Variants in PCDH11X observed in about 807,000 individuals in gnomAD.
The protein encoded by PCDH11X is protocadherin 11 X-linked, also known as protocadherin-11 X-linked.
Under a neutral mutation model 53.3 loss-of-function variants are expected in PCDH11X, and 18 were observed. That is an observed-to-expected ratio of 0.34 (90% CI 0.23 to 0.50). The LOEUF (loss-of-function observed/expected upper bound fraction) is 0.50. PCDH11X is among the 20% of genes least tolerant of loss of function. The probability of loss-of-function intolerance (pLI) is 0.98; values close to 1 mark genes in which losing one functional copy is unlikely to be tolerated. For missense variants in PCDH11X, 570 were observed against 1,032.4 expected (o/e 0.55, Z 6.14); for synonymous variants, 279 against 393.3 (o/e 0.71, Z 3.44).
chrX:92,188,229 T>C (rs989588314), intron 6 of PCDH11X, among the ~76,000 whole-genome samples: 9 of 111,486 alleles, frequency 8.1e-5, no homozygotes, highest in African/African-American at 2.9e-4. Flanking sequence ...CTAAGCTCTT[T>C]TCTCGCTCCA....
chrX:92,598,185 G>A (rs2148804415), intron 10 of PCDH11X, among the ~76,000 whole-genome samples: 1 of 110,759 alleles, frequency 9.0e-6, no homozygotes, highest in African/African-American at 3.3e-5. Context: ...ATGTACAAAT[G>A]GAATCATATC....
At chrX:91,986,464 T>C (rs1284574302) in intron 6 of PCDH11X, among the ~76,000 whole-genome samples, 2 of 109,064 alleles carry the variant, frequency 1.8e-5, no homozygotes, top group African/African-American at 6.7e-5. Context: ...TGTAACACGG[T>C]ATCACAAATT....
chrX:91,829,525 A>C (rs1332759995), intron 4 of PCDH11X, among the ~76,000 whole-genome samples: 2 of 109,560 alleles, frequency 1.8e-5, no homozygotes, highest in African/African-American at 3.3e-5. Context: ...ATTATTGAAC[A>C]TCACCTCTCC....
intron 6 of PCDH11X, among the ~76,000 whole-genome samples, chrX:91,913,616 G>A (rs1248428639): frequency 7.3e-5 from 8 of 110,304 alleles, no homozygotes; most frequent in South Asian, 3.9e-4. Context: ...ACAGTATTTC[G>A]TAACTACCCT....
intron 6 of PCDH11X, among the ~76,000 whole-genome samples, chrX:92,032,464 C>T (rs2063066254): frequency 9.1e-6 from 1 of 110,495 alleles, no homozygotes; most frequent in Non-Finnish European, 1.9e-5. Flanking sequence ...AATTTGGATG[C>T]CCTTTATTTC....
chrX:92,508,137 T>G, intron 10 of PCDH11X, among the ~76,000 whole-genome samples: 1 of 111,404 alleles, frequency 9.0e-6, no homozygotes, highest in East Asian at 2.9e-4. Context: ...TTTTATCATT[T>G]ATATGCATGA....
chrX:91,888,511 C>T (rs1461255546), intron 6 of PCDH11X, among the ~76,000 whole-genome samples: 1 of 109,142 alleles, frequency 9.2e-6, no homozygotes, highest in African/African-American at 3.3e-5. Context: ...AAAACTTAGC[C>T]GGGTTTGGTG....
At chrX:91,902,913 A>G (rs1257872588) in intron 6 of PCDH11X, among the ~76,000 whole-genome samples, 2 of 110,565 alleles carry the variant, frequency 1.8e-5, no homozygotes, top group African/African-American at 3.3e-5. Flanking sequence ...TAAAATAATG[A>G]AAATGATAGC....
intron 10 of PCDH11X, among the ~76,000 whole-genome samples, chrX:92,545,411 T>G (rs1327317825): frequency 2.6e-5 from 2 of 75,736 alleles, no homozygotes; most frequent in African/African-American, 4.7e-5. Flanking sequence ...TTTTTTTTTT[T>G]TTGTTTTTGA....
At chrX:92,212,496 G>A (rs1400984509) in intron 7 of PCDH11X, among the ~76,000 whole-genome samples, 5 of 111,106 alleles carry the variant, frequency 4.5e-5, no homozygotes, top group South Asian at 7.5e-4. Context: ...GACTACAGGC[G>A]TGTGCCACCA....
rs1177934630 is a variant in PCDH11X at position 92,387,752 on chromosome X, A to G, written c.3162A>G (p.Thr1054=). ...CCTTTCAGTCCCAGCGGCGTGTCAC[A>G]TTTCACCTGCCAGAAGGCTCTCAGG... ...KVAGKSQRRV[T]FHLPEGSQES... The change falls in exon 9 of 11, where the codon ACA becomes ACG. Residue 1054 remains threonine (T), a synonymous_variant. Coordinates refer to ENST00000682573, the MANE Select transcript of PCDH11X (RefSeq NM_032968.5). 2.5e-6 allele frequency: 3 copies of G among 1,211,782 alleles called. No individual in the cohort carries two copies. Among genetic ancestry groups the G allele is most frequent in the Non-Finnish European group, 2.2e-6 (2 of 895,444 alleles).
At chrX:92,078,859 T>C (rs1465021551) in intron 6 of PCDH11X, among the ~76,000 whole-genome samples, 2 of 111,151 alleles carry the variant, frequency 1.8e-5, no homozygotes, top group Non-Finnish European at 3.8e-5. Flanking sequence ...TGCACACACA[T>C]ACTCTCTCAC....
intron 8 of PCDH11X, 128 bp downstream of exon 8, chrX:92,263,271 TAA>T: frequency 1.9e-6 from 1 of 513,773 alleles, no homozygotes; most frequent in South Asian, 5.4e-5. Context: ...GGTTCTACTT[TAA>T]AAGAGAGTCA....
chrX:92,335,618 A>C (rs1018997283), intron 8 of PCDH11X, among the ~76,000 whole-genome samples: 2 of 110,811 alleles, frequency 1.8e-5, no homozygotes, highest in African/African-American at 6.6e-5. Flanking sequence ...GATCAATAAC[A>C]CTTCATCTGT....
rs1306619414 is a variant in PCDH11X at position 91,955,022 on chromosome X, T to C, written c.3033+75749T>C. Among the ~76,000 whole-genome samples, 8 of 111,180 alleles carry C rather than the reference T, an allele frequency of 7.2e-5. No individual in the cohort carries two copies. The Admixed American group carries it at 7.7e-4, about 11-fold the overall frequency. On this transcript the variant is annotated intron_variant, in intron 6 of 10. Coordinates refer to ENST00000682573, the MANE Select transcript of PCDH11X (RefSeq NM_032968.5). ...CTTTTGGCATTTTCATCATGAAATC[T>C]TTGCTTGCACCTATGTCCTAAATCA...
At chrX:92,288,001 C>G (rs775637746) in intron 8 of PCDH11X, 118 of 513,299 alleles carry the variant, frequency 2.3e-4, no homozygotes, top group Non-Finnish European at 5.9e-5. Flanking sequence ...TCTGCCATGA[C>G]CGTAAGTTTC....
chrX:92,139,248 CTT>C (rs1351980637), intron 6 of PCDH11X, among the ~76,000 whole-genome samples: 1 of 95,151 alleles, frequency 1.1e-5, no homozygotes, highest in African/African-American at 3.9e-5. Flanking sequence ...AAGTCTTTTT[CTT>C]TTTCTTTCTT....
intron 8 of PCDH11X, among the ~76,000 whole-genome samples, chrX:92,360,445 C>T (rs778229178): frequency 1.8e-5 from 2 of 110,641 alleles, no homozygotes; most frequent in African/African-American, 6.5e-5. Context: ...ATAAATAGAA[C>T]ATTATTTTCT....
At chrX:92,287,486 A>G (rs2068400528) in intron 8 of PCDH11X, among the ~76,000 whole-genome samples, 1 of 110,687 alleles carries the variant, frequency 9.0e-6, no homozygotes, top group Non-Finnish European at 1.9e-5. Flanking sequence ...CTCCCAGAAT[A>G]CTTCTCATTC....
Sources: gnomAD v4.1 joint callset for allele counts (sites outside exome capture counted in the v4.1 genomes callset) on GRCh38, gnomAD v4.1.1 for gene constraint, MANE v1.5 for transcripts, NCBI Gene and HGNC (gene_info 2026-07-23, HGNC 2026-07-21) for gene names.